Variants in TLCD4 observed in about 807,000 individuals in gnomAD.
TLCD4 encodes TLC domain containing 4.
Under a neutral mutation model 24.2 loss-of-function variants are expected in TLCD4, and 7 were observed. The ratio of observed to expected loss-of-function variants is 0.29; its 90% confidence interval spans 0.16 to 0.54. The LOEUF is 0.54. Ranked by LOEUF, TLCD4 falls within the 20% of genes least tolerant of loss-of-function variation. TLCD4 has a pLI of 0.95. For synonymous variants in TLCD4, 103 were observed against 106.4 expected, an observed-to-expected ratio of 0.97 and a Z score of 0.20; for missense variants, 259 against 313.9, an observed-to-expected ratio of 0.82 and a Z score of 1.32.
chr1:95,131,604 A>G (rs1217642933), intron 1 of TLCD4, among the ~76,000 whole-genome samples: 1 of 152,248 alleles, frequency 6.6e-6, no homozygotes, highest in Non-Finnish European at 1.5e-5. Context: ...GTTTGGAGAC[A>G]GTCCAGAAAT....
intron 1 of TLCD4, among the ~76,000 whole-genome samples, chr1:95,128,571 G>A (rs1369651938): frequency 6.6e-6 from 1 of 152,148 alleles, no homozygotes; most frequent in Non-Finnish European, 1.5e-5. Context: ...GGAACAGCAG[G>A]AATTTTCAGG....
At chr1:95,138,989 A>G (rs1012570767) in intron 1 of TLCD4, among the ~76,000 whole-genome samples, 1 of 142,524 alleles carries the variant, frequency 7.0e-6, no homozygotes, top group African/African-American at 2.6e-5. Flanking sequence ...GGACTTTGAG[A>G]CCATCCTGGG....
In TLCD4 at chr1:95,150,253, C is replaced by T. The variant is rs761623588; in HGVS notation, c.291C>T (p.Gly97=). The T allele has an allele frequency of 1.9e-6, 3 of 1,609,722 alleles. No homozygotes were observed. In the East Asian group the frequency reaches 6.7e-5, roughly 36 times the overall value. ...LANVNIAIAS[G]YLISDLSIII... is the part of the protein sequence containing the mutation. Reference sequence around the variant, plus strand: ...ACGTGAATATTGCTATTGCCTCAGGCTACCTCATTTCTGGTATGTGAGATG... The same window carrying T: ...ACGTGAATATTGCTATTGCCTCAGGTTACCTCATTTCTGGTATGTGAGATG... The change falls in exon 4 of 7, where the codon GGC becomes GGT. Residue 97 remains glycine (G), a synonymous_variant. Transcript: ENST00000370203.
At chr1:95,138,746 C>T (rs954580536) in intron 1 of TLCD4, among the ~76,000 whole-genome samples, 3 of 152,020 alleles carry the variant, frequency 2.0e-5, no homozygotes, top group Non-Finnish European at 4.4e-5. Context: ...TAGACAGATG[C>T]TACACAATGC....
chr1:95,173,924 A>G, intron 6 of TLCD4, 35 bp downstream of exon 6: 1 of 1,612,248 alleles, frequency 6.2e-7, no homozygotes, highest in African/African-American at 1.3e-5. Context: ...TTTTAAAGTC[A>G]TGCTGTTTAT....
At chr1:95,107,417 T>C in the TLCD4 span, among the ~76,000 whole-genome samples, 1 of 152,198 alleles carries the variant, frequency 6.6e-6, no homozygotes, top group Admixed American at 6.5e-5. Context: ...AGCAAGACTC[T>C]GTCTTAAACA....
intron 6 of TLCD4, among the ~76,000 whole-genome samples, chr1:95,188,451 G>T (rs1175865850): frequency 6.7e-6 from 1 of 149,902 alleles, no homozygotes; most frequent in Non-Finnish European, 1.5e-5. Context: ...ACTATACACA[G>T]CCCACACTTG....
chr1:95,179,393 T>C (rs1678556561), intron 6 of TLCD4, among the ~76,000 whole-genome samples: 1 of 152,230 alleles, frequency 6.6e-6, no homozygotes, highest in Non-Finnish European at 1.5e-5. Context: ...AACAAAGTTA[T>C]ACTGGAGCAC....
chr1:95,128,345 A>T (rs1281096795), intron 1 of TLCD4, among the ~76,000 whole-genome samples: 4 of 152,254 alleles, frequency 2.6e-5, no homozygotes, highest in African/African-American at 7.2e-5. Flanking sequence ...AAATGAAATA[A>T]AACATTTAAA....
intron 6 of TLCD4, among the ~76,000 whole-genome samples, chr1:95,178,643 A>G (rs1678526432): frequency 7.0e-6 from 1 of 142,784 alleles, no homozygotes; most frequent in Admixed American, 7.4e-5. Flanking sequence ...TTTCCTCCCA[A>G]GGTGTCAGCT....
upstream of TLCD4, chr1:95,117,351 C>G (rs1028994620): frequency 6.6e-6 from 1 of 152,242 alleles, no homozygotes; most frequent in Non-Finnish European, 1.5e-5. Flanking sequence ...GCCGCGGCCC[C>G]TTTAAGGAGC....
At chr1:95,148,166 G>A (rs1181019165) in intron 2 of TLCD4, among the ~76,000 whole-genome samples, 1 of 152,198 alleles carries the variant, frequency 6.6e-6, no homozygotes, top group Non-Finnish European at 1.5e-5. Flanking sequence ...AAGTGCAATA[G>A]TGCATGTCAA....
At position 95,195,631 on chromosome 1, in the gene TLCD4, C is replaced by T. The variant is rs184025251; in HGVS notation, c.*3763C>T. ...TTCTCAGGTGCGAGCCAGCATACAG[C>T]GAGACCCTTCATGTGTCTCTGGATG... is the stretch of plus-strand genomic sequence containing the variant. On this transcript the variant is annotated 3_prime_UTR_variant, in exon 7 of 7. Transcript: ENST00000370203. 11 of 152,252 alleles carry T rather than the reference C, an allele frequency of 7.2e-5. No homozygotes were observed. The East Asian group carries it at 1.7e-3, about 24-fold the overall frequency. The allele number at this position is 152,252 out of a possible 1,614,324, so 9.4% of individuals were successfully genotyped here.
At chr1:95,182,850 A>G (rs906822522) in intron 6 of TLCD4, among the ~76,000 whole-genome samples, 6 of 151,938 alleles carry the variant, frequency 3.9e-5, no homozygotes, top group Non-Finnish European at 5.9e-5. Context: ...TAAGAAGTGG[A>G]TGGAGAGGGA....
intron 1 of TLCD4, among the ~76,000 whole-genome samples, chr1:95,123,084 C>T (rs1165008723): frequency 6.6e-6 from 1 of 152,128 alleles, no homozygotes; most frequent in Non-Finnish European, 1.5e-5. Flanking sequence ...GCTGGGATTA[C>T]AGGCCTGAGC....
At chr1:95,113,414 T>G (rs952182380), upstream of TLCD4, among the ~76,000 whole-genome samples, 1 of 152,098 alleles carries the variant, frequency 6.6e-6, no homozygotes, top group African/African-American at 2.4e-5. Context: ...GCAAAGTTGT[T>G]GTGGTGGTGG....
chr1:95,175,881 T>G (rs1678406286), intron 6 of TLCD4, among the ~76,000 whole-genome samples: 1 of 151,876 alleles, frequency 6.6e-6, no homozygotes, highest in African/African-American at 2.4e-5. Context: ...GCTCAAAGGA[T>G]CCTCCCACCT....
rs1557694431 is a variant in TLCD4, at chr1:95,173,904, TC to T, written c.473+16del. 1 of 1,613,524 alleles carries T rather than the reference TC, an allele frequency of 6.2e-7. No individual in the cohort carries two copies. The highest frequency in any genetic ancestry group is 8.5e-7 in the Non-Finnish European group (1 of 1,179,874). ...GTGAATCAGCGGTATGTTACTGATA[TC>T]ATTGATTATTTTAAAGTCATGCTGT... is the stretch of plus-strand genomic sequence containing the variant. On this transcript the variant is annotated intron_variant, in intron 6 of 6. Coordinates refer to ENST00000370203, the MANE Select transcript of TLCD4 (RefSeq NM_152487.3).
At chr1:95,102,792 CGTTAT>C in the TLCD4 span, among the ~76,000 whole-genome samples, 10 of 151,972 alleles carry the variant, frequency 6.6e-5, no homozygotes, top group Non-Finnish European at 1.3e-4. Flanking sequence ...CAGAAAAGAC[CGTTAT>C]GTTCTCAGGT....
Sources: allele counts gnomAD v4.1 joint callset (sites outside exome capture counted in the v4.1 genomes callset), GRCh38; gene constraint gnomAD v4.1.1; transcripts MANE v1.5; gene names NCBI Gene and HGNC (gene_info 2026-07-23, HGNC 2026-07-21).